CTSH: variants seen among roughly 807,000 people sequenced by gnomAD.
CTSH encodes pro-cathepsin H.
A neutral mutation model predicts 56.3 loss-of-function variants in CTSH; 52 were observed. The observed-to-expected ratio is 0.92, with a 90% CI of 0.74 to 1.16. CTSH has a LOEUF of 1.16. Among genes scored for constraint, CTSH ranks in the 50% most tolerant of loss-of-function variants. The pLI is 0.00. For synonymous variants in CTSH, 174 were observed against 155.7 expected (o/e 1.12, Z -0.88); for missense variants, 406 against 424.5 (o/e 0.96, Z 0.38).
At chr15:78,937,150 C>T (rs1026755854) in intron 3 of CTSH, 168 bp downstream of exon 3, 3 of 612,254 alleles carry the variant, frequency 4.9e-6, no homozygotes, top group Admixed American at 5.9e-5. Flanking sequence ...AATTTACGAT[C>T]CCACATTACA....
chr15:78,927,648 G>A lies in CTSH; in HGVS notation c.699+65C>T, dbSNP rs1247219749. On this transcript the variant is annotated intron_variant, in intron 9 of 11. Transcript: ENST00000220166. ...GCCTTGCTGGGCCCACTGGCTATCC[G>A]ACAGCATGAGAGAGGCCTCCTCATC... 89 of 1,462,388 alleles carry A rather than the reference G, an allele frequency of 6.1e-5. 1 individual carries two copies. Among genetic ancestry groups the A allele is most frequent in the South Asian group, 3.5e-4 (31 of 87,972 alleles). The allele number at this position is 1,462,388 out of a possible 1,614,324, so 90.6% of individuals were successfully genotyped here. A position where few individuals can be genotyped will look rare whatever the true frequency, so the allele number is the denominator to read the frequency against.
intron 5 of CTSH, chr15:78,933,720 C>T (rs987251915): frequency 6.9e-6 from 2 of 290,278 alleles, no homozygotes; most frequent in South Asian, 3.0e-5. Context: ...TCCCCTTTGT[C>T]ACTTACTTAC....
Position 78,937,363 on chromosome 15 carries a change from A to T in CTSH, c.184T>A (p.Trp62Arg). ...TTGTTGTGGGCGTTTATCTTCCTCC[A>T]GTTGCTGGCAAACGTCTGCAGCCTG... is the stretch of plus-strand genomic sequence containing the variant. ...HHRLQTFASN[W>R]RKINAHNNGN... Residue 62 changes from tryptophan (W) to arginine (R), a missense_variant, in exon 3 of 12, where the codon TGG (tryptophan) becomes AGG (arginine). Transcript: ENST00000220166. 1 of 1,613,936 alleles carries T rather than the reference A, an allele frequency of 6.2e-7. No individual in the cohort carries two copies. Among genetic ancestry groups the T allele is most frequent in the Non-Finnish European group, 8.5e-7 (1 of 1,179,910 alleles).
chr15:78,928,590 GAA>G (rs1567355415), intron 8 of CTSH, among the ~76,000 whole-genome samples: 3 of 104,312 alleles, frequency 2.9e-5, no homozygotes, highest in African/African-American at 1.2e-4. Flanking sequence ...AAAAAAAAAA[GAA>G]GGGAGAGTAA....
At chr15:78,932,169 G>A in intron 6 of CTSH, 1 of 945,976 alleles carries the variant, frequency 1.1e-6, no homozygotes, top group South Asian at 1.8e-5. Context: ...TGAGCCCTTG[G>A]GCCGGTTCCT....
intron 1 of CTSH, 87 bp downstream of exon 1, chr15:78,944,804 G>C (rs2055362031): frequency 6.9e-7 from 1 of 1,449,608 alleles, no homozygotes; most frequent in Non-Finnish European, 9.2e-7. Context: ...CCGTTCCTCC[G>C]GAGCCCAGTG....
In CTSH at chr15:78,930,537, AAAATAAATAAAT is replaced by A. The variant is rs145707544; in HGVS notation, c.548+902_548+913del. On this transcript the variant is annotated intron_variant, in intron 7 of 11. Transcript: ENST00000220166. Reference sequence around the variant, plus strand: ...GCGAGACTCCATCTCAAAAAAAGAAAAAATAAATAAATAAATAAATAAATAAATAAATAAAAA... The same window carrying A: ...GCGAGACTCCATCTCAAAAAAAGAAAAAATAAATAAATAAATAAATAAAAA... Among the ~76,000 whole-genome samples the A allele has an allele frequency of 2.2e-4, 32 of 147,598 alleles. 1 individual carries two copies. Among genetic ancestry groups the A allele is most frequent in the South Asian group, 8.5e-4 (4 of 4,708 alleles).
At position 78,923,908 on chromosome 15, in the gene CTSH, G is replaced by A. The variant is rs147865029; in HGVS notation, c.807-790C>T. 7.4e-4 allele frequency among the ~76,000 whole-genome samples: 112 copies of A among 152,300 alleles called. No individual in the cohort carries two copies. In the East Asian group the frequency reaches 0.014, roughly 19 times the overall value. ...GTGGTCAGGTGTGAATTCAGCTGAT[G>A]TGTAAGTGGGCCATAGGCTCGCGCC... On this transcript the variant is annotated intron_variant, in intron 10 of 11. Coordinates refer to ENST00000220166, the MANE Select transcript of CTSH (RefSeq NM_004390.5).
intron 1 of CTSH, among the ~76,000 whole-genome samples, chr15:78,944,075 C>A (rs966815119): frequency 1.3e-5 from 2 of 152,220 alleles, no homozygotes; most frequent in African/African-American, 2.4e-5. Context: ...GGGCACCCCC[C>A]CTCCCTAGGT....
intron 6 of CTSH, 39 bp from the exon 7 acceptor site, chr15:78,931,545 A>T: frequency 6.2e-7 from 1 of 1,614,062 alleles, no homozygotes; most frequent in Non-Finnish European, 8.5e-7. Context: ...GCCAGCTGAG[A>T]AGCCGTCAAG....
chr15:78,929,589 C>G, intron 7 of CTSH, 96 bp from the exon 8 acceptor site: 1 of 787,040 alleles, frequency 1.3e-6, no homozygotes, highest in Non-Finnish European at 2.0e-6. Context: ...GCCTGGCAGG[C>G]TGGGGACTTG....
chr15:78,938,415 C>G (rs1194007172), intron 2 of CTSH, among the ~76,000 whole-genome samples: 1 of 152,132 alleles, frequency 6.6e-6, no homozygotes, highest in Non-Finnish European at 1.5e-5. Flanking sequence ...TATCTTCATC[C>G]CTGCTTCCCT....
At chr15:78,924,403 G>A (rs1157350582) in intron 10 of CTSH, among the ~76,000 whole-genome samples, 2 of 152,070 alleles carry the variant, frequency 1.3e-5, no homozygotes, top group Non-Finnish European at 2.9e-5. Flanking sequence ...GGGGGTTAGG[G>A]GGTCCAAGGA....
In CTSH at chr15:78,928,556, C is replaced by CT. The variant is rs1432531348; in HGVS notation, c.631-776dup. Among the ~76,000 whole-genome samples, 20 of 111,908 alleles carry CT rather than the reference C, an allele frequency of 1.8e-4. No individual in the cohort carries two copies. The East Asian group carries it at 5.2e-3, about 29-fold the overall frequency. The allele number at this position is 111,908 out of a possible 152,430, so 73.4% of individuals were successfully genotyped here. On this transcript the variant is annotated intron_variant, in intron 8 of 11. Coordinates refer to ENST00000220166, the MANE Select transcript of CTSH (RefSeq NM_004390.5). ...CTCCAGCCTGGGCAACAGAGCAAGACTCCGTCTCAAAAAAAAAAAAAAAAA... is the reference window on the plus strand; with the variant it reads ...CTCCAGCCTGGGCAACAGAGCAAGACTTCCGTCTCAAAAAAAAAAAAAAAAA...
chr15:78,925,559 G>A lies in CTSH; in HGVS notation c.700-119C>T, dbSNP rs535309713. The stretch of plus-strand genomic sequence containing the variant: ...CCCAGAGCAGCATGGATGGCCAGAA[G>A]CAGCTCCCCTGCGGCCTCTCTCCCT... On this transcript the variant is annotated intron_variant, in intron 9 of 11. Coordinates refer to ENST00000220166, the MANE Select transcript of CTSH (RefSeq NM_004390.5). The A allele has an allele frequency of 4.7e-5, 31 of 661,170 alleles. No individual in the cohort carries two copies. The East Asian group carries it at 8.0e-4, about 17-fold the overall frequency. 41.0% of individuals were successfully genotyped at this position (661,170 alleles called of 1,614,324 possible). A position where few individuals can be genotyped will look rare whatever the true frequency, so the allele number is the denominator to read the frequency against.
intron 4 of CTSH, 126 bp downstream of exon 4, chr15:78,935,554 T>G: frequency 1.4e-6 from 1 of 737,892 alleles, no homozygotes; most frequent in South Asian, 1.9e-5. Context: ...CCCCAAAGAA[T>G]CTGGGGATAC....
rs750468764 is a variant in CTSH at position 78,925,432 on chromosome 15, C to G, written c.708G>C (p.Glu236Asp). 1 of 1,612,092 alleles carries G rather than the reference C, an allele frequency of 6.2e-7. No individual in the cohort carries two copies. The highest frequency in any genetic ancestry group is 2.2e-5 in the East Asian group (1 of 44,874). ...GGGCCACAGCCTCCACCATCGCTTC[C>G]TCGTCATACTGTGGAAACAGGACCG... Reference protein sequence around the residue: ...KDVANITIYDEEAMVEAVALY... With the variant: ...KDVANITIYDDEAMVEAVALY... The change falls in exon 10 of 12, where the codon GAG becomes GAC. Residue 236 changes from glutamate (E) to aspartate (D), a missense_variant. Transcript: ENST00000220166.
At chr15:78,922,922 A>G (rs894490160) in intron 11 of CTSH, 71 bp downstream of exon 11, 5 of 1,526,144 alleles carry the variant, frequency 3.3e-6, no homozygotes, top group Non-Finnish European at 4.4e-6. Flanking sequence ...CTGAGGTGGA[A>G]GTGATGCCCC....
intron 11 of CTSH, among the ~76,000 whole-genome samples, chr15:78,922,516 A>T (rs2054794071): frequency 6.6e-6 from 1 of 152,232 alleles, no homozygotes. Flanking sequence ...GCCCGAGGGA[A>T]CAGGAAAGCT....
Sources: allele counts gnomAD v4.1 joint callset (sites outside exome capture counted in the v4.1 genomes callset), GRCh38; gene constraint gnomAD v4.1.1; transcripts MANE v1.5; gene names NCBI Gene and HGNC (gene_info 2026-07-23, HGNC 2026-07-21).